NSG1: variants seen among roughly 807,000 people sequenced by gnomAD.
NSG1 encodes neuronal vesicle trafficking associated 1, also known as neuronal vesicle trafficking-associated protein 1.
NSG1 carries 9 observed loss-of-function variants against 19.3 expected under a neutral mutation model. The ratio of observed to expected loss-of-function variants is 0.47; its 90% CI spans 0.28 to 0.81. The LOEUF (loss-of-function observed/expected upper bound fraction) is 0.81. NSG1 is among the 40% of genes least tolerant of loss of function. The pLI is 0.11. For synonymous variants in NSG1, 104 were observed against 107.0 expected, an observed-to-expected ratio of 0.97 and a Z score of 0.17; for missense variants, 236 against 242.4, an observed-to-expected ratio of 0.97 and a Z score of 0.18.
chr4:4,387,874 G>T, intron 2 of NSG1, 116 bp downstream of exon 2: 1 of 883,456 alleles, frequency 1.1e-6, no homozygotes. Flanking sequence ...GGGCGGGCTC[G>T]GGAGGCCGGA....
intron 4 of NSG1, among the ~76,000 whole-genome samples, chr4:4,411,370 C>T (rs945703836): frequency 6.6e-6 from 1 of 152,322 alleles, no homozygotes; most frequent in Non-Finnish European, 1.5e-5. Flanking sequence ...TCCACAGTAT[C>T]ACCGCCTTCT....
intron 3 of NSG1, among the ~76,000 whole-genome samples, chr4:4,404,219 C>T (rs757748924): frequency 2.0e-5 from 3 of 152,182 alleles, no homozygotes; most frequent in Non-Finnish European, 4.4e-5. Flanking sequence ...AATGACAAGG[C>T]GTTTGTTATG....
intron 3 of NSG1, 56 bp from the exon 4 acceptor site, chr4:4,409,517 G>A: frequency 7.8e-7 from 1 of 1,279,594 alleles, no homozygotes; most frequent in Admixed American, 1.7e-5. Context: ...GCGGGTGTGT[G>A]TGTGTCTGTC....
In NSG1 at chr4:4,417,481, G is replaced by A; in HGVS notation, c.*46G>A. The A allele has an allele frequency of 6.7e-7, 1 of 1,500,626 alleles. No homozygotes were observed. Among genetic ancestry groups the A allele is most frequent in the Non-Finnish European group, 9.3e-7 (1 of 1,078,572 alleles). 93.0% of individuals were successfully genotyped at this position (1,500,626 alleles called of 1,614,324 possible). ...CAATGTGTCACTTGCAAATAACAAA[G>A]GGACTTTGAGGGACATTTCATTAAA... is the stretch of plus-strand genomic sequence containing the variant. On this transcript the variant is annotated 3_prime_UTR_variant, in exon 5 of 5. Coordinates refer to ENST00000621129, the MANE Select transcript of NSG1 (RefSeq NM_014392.5).
chr4:4,395,879 G>A lies in NSG1; in HGVS notation c.246+4288G>A, dbSNP rs145487581. On this transcript the variant is annotated intron_variant, in intron 3 of 4. Transcript: ENST00000621129. ...TCAGAAGCACCTCATCTTTATAGGC[G>A]TTTGGATGGCATCCTTGAAACGGAG... 8.3e-3 allele frequency among the ~76,000 whole-genome samples: 1,266 copies of A among 152,266 alleles called. 20 individuals are homozygous for A. The highest frequency in any genetic ancestry group is 0.029 in the African/African-American group (1,200 of 41,542).
chr4:4,392,100 G>A (rs938016832), intron 3 of NSG1, among the ~76,000 whole-genome samples: 1 of 152,154 alleles, frequency 6.6e-6, no homozygotes, highest in Non-Finnish European at 1.5e-5. Flanking sequence ...GCTCTACACA[G>A]CAGAGCCAGG....
At chr4:4,404,013 TCG>T (rs1723714209) in intron 3 of NSG1, among the ~76,000 whole-genome samples, 1 of 152,220 alleles carries the variant, frequency 6.6e-6, no homozygotes, top group South Asian at 2.1e-4. Flanking sequence ...TATGCCGCTA[TCG>T]CTACTTGGAG....
At chr4:4,404,836 T>C (rs1401824242) in intron 3 of NSG1, among the ~76,000 whole-genome samples, 2 of 152,150 alleles carry the variant, frequency 1.3e-5, no homozygotes, top group East Asian at 3.9e-4. Context: ...GGTGTCCCGA[T>C]AGAGGCTGGG....
At chr4:4,391,675 C>A in intron 3 of NSG1, 84 bp downstream of exon 3, 1 of 899,694 alleles carries the variant, frequency 1.1e-6, no homozygotes, top group East Asian at 2.5e-5. Flanking sequence ...GCAGGGAGGG[C>A]CAGGGTTTGA....
Position 4,396,859 on chromosome 4 carries a change from G to C in NSG1, c.246+5268G>C, listed in dbSNP as rs988580004. Among the ~76,000 whole-genome samples the C allele has an allele frequency of 1.2e-3, 187 of 152,208 alleles. 1 individual carries two copies. Among genetic ancestry groups the C allele is most frequent in the Non-Finnish European group, 2.0e-3 (137 of 68,014 alleles). The stretch of plus-strand genomic sequence containing the variant: ...TTCCTTGGCATTCAGCAGTGGGGGT[G>C]GGGGTTCTTCCCGTGGGGGTGGTAT... On this transcript the variant is annotated intron_variant, in intron 3 of 4. Transcript: ENST00000621129.
chr4:4,413,822 G>T (rs1724362180), intron 4 of NSG1, among the ~76,000 whole-genome samples: 1 of 152,040 alleles, frequency 6.6e-6, no homozygotes, highest in African/African-American at 2.4e-5. Context: ...CAGTGGCTGA[G>T]GGAAGAGAAG....
In NSG1 at chr4:4,417,231, T is replaced by G. The variant is rs1724605255; in HGVS notation, c.358-4T>G. On this transcript the variant is annotated splice_polypyrimidine_tract_variant and splice_region_variant and intron_variant, in intron 4 of 4. Coordinates refer to ENST00000621129, the MANE Select transcript of NSG1 (RefSeq NM_014392.5). ...CGTGCTCTCAGTGGCCTCTTGTCTT[T>G]CAGAACACCCAGTGCATCCCAGAAG... 6.2e-7 allele frequency: 1 copy of G among 1,613,584 alleles called. No individual in the cohort carries two copies. The highest frequency in any genetic ancestry group is 1.3e-5 in the African/African-American group (1 of 74,918).
At position 4,418,381 on chromosome 4, in the gene NSG1, A is replaced by G. The variant is rs1293200839; in HGVS notation, c.*946A>G. 2 of 149,760 alleles carry G rather than the reference A, an allele frequency of 1.3e-5. No homozygotes were observed. Among genetic ancestry groups the G allele is most frequent in the South Asian group, 2.2e-4 (1 of 4,558 alleles). 9.3% of individuals were successfully genotyped at this position (149,760 alleles called of 1,614,324 possible). A position where few individuals can be genotyped will look rare whatever the true frequency, so the allele number is the denominator to read the frequency against. On this transcript the variant is annotated 3_prime_UTR_variant, in exon 5 of 5. Transcript: ENST00000621129. The stretch of plus-strand genomic sequence containing the variant: ...CTTGAGCTACTTTAATTTTTATTCT[A>G]TGAAACTGATATCCCTTGATGTGGG...
chr4:4,406,912 C>T lies in NSG1; in HGVS notation c.247-2661C>T, dbSNP rs188893774. On this transcript the variant is annotated intron_variant, in intron 3 of 4. Transcript: ENST00000621129. ...CTCCTGCCACTGCCTCTGGCTGCCA[C>T]GTGCCTCAGACGGCTGCGCCTTCTT... is the stretch of plus-strand genomic sequence containing the variant. 5.7e-3 allele frequency among the ~76,000 whole-genome samples: 862 copies of T among 152,360 alleles called. 10 individuals carry two copies. Among genetic ancestry groups the T allele is most frequent in the African/African-American group, 0.02 (822 of 41,588 alleles).
At chr4:4,415,444 T>A (rs927383345) in intron 4 of NSG1, among the ~76,000 whole-genome samples, 2 of 152,118 alleles carry the variant, frequency 1.3e-5, no homozygotes, top group Non-Finnish European at 2.9e-5. Context: ...TGGCTCTGTA[T>A]GAGATGGGTA....
chr4:4,391,643 T>G lies in NSG1; in HGVS notation c.246+52T>G, dbSNP rs749080650. 4.8e-6 allele frequency: 6 copies of G among 1,256,758 alleles called. No homozygotes were observed. The South Asian group carries it at 8.0e-5, about 17-fold the overall frequency. The allele number at this position is 1,256,758 out of a possible 1,614,324, so 77.9% of individuals were successfully genotyped here. A position where few individuals can be genotyped will look rare whatever the true frequency, so the allele number is the denominator to read the frequency against. On this transcript the variant is annotated intron_variant, in intron 3 of 4. Transcript: ENST00000621129. ...GCTGCTTTTGCCCCCAGAAGGGGTC[T>G]GCTGAGCTGCATAGATGCCCTGCAG... is the stretch of plus-strand genomic sequence containing the variant.
At chr4:4,415,965 C>G (rs1724507887) in intron 4 of NSG1, 2 of 631,040 alleles carry the variant, frequency 3.2e-6, no homozygotes, top group Non-Finnish European at 5.7e-6. Context: ...TCAGGTGCTT[C>G]CCGACGTCCT....
In NSG1 at chr4:4,391,527, C is replaced by A. The variant is rs1189497294; in HGVS notation, c.182C>A (p.Ala61Glu). 2 of 1,613,720 alleles carry A rather than the reference C, an allele frequency of 1.2e-6. No homozygotes were observed. Among genetic ancestry groups the A allele is most frequent in the East Asian group, 2.2e-5 (1 of 44,892 alleles). The change falls in exon 3 of 5, where the codon GCA becomes GAA. Residue 61 changes from alanine (A) to glutamate (E), a missense_variant. Ala to Glu is a moderately radical substitution (Grantham distance 107). Transcript: ENST00000621129. ...GAACCTGACCGCAAGAAAGGGAAAG[C>A]ACGTCCTCCCCAAATTGCTGAGTTC... ...EYEPDRKKGKARPPQIAEFTV... is the reference protein window; with the variant it reads ...EYEPDRKKGKERPPQIAEFTV...
At position 4,418,288 on chromosome 4, in the gene NSG1, C is replaced by T. The variant is rs1724699122; in HGVS notation, c.*853C>T. On this transcript the variant is annotated 3_prime_UTR_variant, in exon 5 of 5. Coordinates refer to ENST00000621129, the MANE Select transcript of NSG1 (RefSeq NM_014392.5). ...CACTTCTATTATGAATAAATTTGCA[C>T]CAATAGCCCCATTAGTTTTTAAAGA... is the stretch of plus-strand genomic sequence containing the variant. 1 of 152,162 alleles carries T rather than the reference C, an allele frequency of 6.6e-6. No homozygotes were observed. The highest frequency in any genetic ancestry group is 1.5e-5 in the Non-Finnish European group (1 of 68,026). 9.4% of individuals were successfully genotyped at this position (152,162 alleles called of 1,614,324 possible). A position where few individuals can be genotyped will look rare whatever the true frequency, so the allele number is the denominator to read the frequency against.
Sources: allele counts gnomAD v4.1 joint callset (sites outside exome capture counted in the v4.1 genomes callset), GRCh38; gene constraint gnomAD v4.1.1; transcripts MANE v1.5; gene names NCBI Gene and HGNC (gene_info 2026-07-23, HGNC 2026-07-21).